NTRK3: variants seen among roughly 807,000 people sequenced by gnomAD.
The protein encoded by NTRK3 is NT-3 growth factor receptor.
In NTRK3, 24 loss-of-function variants were observed where a neutral mutation model predicts 91.7. That is an observed-to-expected ratio of 0.26 (90% CI 0.19 to 0.37). The LOEUF is 0.37. Ranked by LOEUF, NTRK3 falls within the 10% of genes least tolerant of loss-of-function variation. The probability of loss-of-function intolerance (pLI) is 1.00; values close to 1 mark genes in which losing one functional copy is unlikely to be tolerated. For synonymous variants in NTRK3, 483 were observed against 404.0 expected (o/e 1.20, Z -2.34); for missense variants, 880 against 1,068.9 (o/e 0.82, Z 2.46).
intron 3 of NTRK3, among the ~76,000 whole-genome samples, chr15:88,247,377 A>G (rs1410022113): frequency 6.6e-6 from 1 of 152,206 alleles, no homozygotes; most frequent in Non-Finnish European, 1.5e-5. Context: ...GATTGGGCCA[A>G]ATCAATTCAC....
At chr15:88,224,402 C>G (rs2050500561) in intron 3 of NTRK3, among the ~76,000 whole-genome samples, 1 of 152,230 alleles carries the variant, frequency 6.6e-6, no homozygotes, top group South Asian at 2.1e-4. Context: ...AAGTCCCACA[C>G]AGTCTGCATT....
chr15:88,194,610 G>T (rs765132079), intron 3 of NTRK3, among the ~76,000 whole-genome samples: 1 of 152,162 alleles, frequency 6.6e-6, no homozygotes, highest in Non-Finnish European at 1.5e-5. Flanking sequence ...TCCAAAACAT[G>T]ACTACTGTTT....
At chr15:88,065,058 A>G (rs994951256) in intron 13 of NTRK3, among the ~76,000 whole-genome samples, 3 of 152,218 alleles carry the variant, frequency 2.0e-5, no homozygotes, top group Non-Finnish European at 4.4e-5. Flanking sequence ...CTATGTGACG[A>G]TAACTAACCC....
intron 14 of NTRK3, among the ~76,000 whole-genome samples, chr15:88,026,630 G>A (rs146604362): frequency 1.5e-3 from 230 of 152,172 alleles, no homozygotes; most frequent in African/African-American, 4.9e-3. Context: ...CTTAAATTGC[G>A]GCTTTAATTA....
intron 14 of NTRK3, among the ~76,000 whole-genome samples, chr15:87,958,672 G>T (rs559601293): frequency 6.6e-6 from 1 of 151,878 alleles, no homozygotes. Context: ...TCTCAAATCT[G>T]TCCACATCTG....
At chr15:88,090,168 C>T (rs2048886155) in intron 13 of NTRK3, among the ~76,000 whole-genome samples, 1 of 152,186 alleles carries the variant, frequency 6.6e-6, no homozygotes, top group Non-Finnish European at 1.5e-5. Flanking sequence ...CAGCCTGTGC[C>T]CTCTTATCTT....
chr15:87,874,347 C>G, exon 19 of NTRK3: 1 of 231,458 alleles, frequency 4.3e-6, no homozygotes. Context: ...AACATGACCC[C>G]AAGATCAGCG....
chr15:88,060,917 C>G (rs1474248599), intron 13 of NTRK3, among the ~76,000 whole-genome samples: 1 of 151,836 alleles, frequency 6.6e-6, no homozygotes, highest in African/African-American at 2.4e-5. Context: ...ATTTTTGCAC[C>G]TTGATATCAG....
At chr15:87,920,328 T>C (rs963413294) in intron 17 of NTRK3, among the ~76,000 whole-genome samples, 2 of 152,246 alleles carry the variant, frequency 1.3e-5, no homozygotes, top group Non-Finnish European at 2.9e-5. Flanking sequence ...GCATTTAAGT[T>C]GTTTTTCAAA....
chr15:88,198,392 A>T (rs2048014019), intron 3 of NTRK3, among the ~76,000 whole-genome samples: 2 of 152,150 alleles, frequency 1.3e-5, no homozygotes, highest in South Asian at 4.1e-4. Flanking sequence ...ACCTCTGGGT[A>T]CTCAGAATGT....
At chr15:88,171,550 A>G (rs188736908) in intron 5 of NTRK3, among the ~76,000 whole-genome samples, 95 of 152,318 alleles carry the variant, frequency 6.2e-4, no homozygotes, top group African/African-American at 2.1e-3. Flanking sequence ...GTTCTAAAAT[A>G]GCTTCCAAGG....
At chr15:88,230,461 G>A (rs1023120580) in intron 3 of NTRK3, among the ~76,000 whole-genome samples, 16 of 152,150 alleles carry the variant, frequency 1.1e-4, no homozygotes, top group African/African-American at 3.9e-4. Context: ...CTAACAGGCA[G>A]GTAGATCTTG....
rs74027922 is a variant in NTRK3 at position 88,245,917 on chromosome 15, T to C, written c.248+9989A>G. Among the ~76,000 whole-genome samples, 1,363 of 152,300 alleles carry C rather than the reference T, an allele frequency of 8.9e-3. 19 individuals are homozygous for C. The highest frequency in any genetic ancestry group is 0.03 in the African/African-American group (1,263 of 41,554). ...ATCTCTGGCCCAGTAGAAGGGATAA[T>C]GTCAGCTTCTTTCCTTCTCTTCAGT... On this transcript the variant is annotated intron_variant, in intron 3 of 18. Transcript: ENST00000394480.
chr15:87,886,165 A>C (rs2065526380), intron 17 of NTRK3, among the ~76,000 whole-genome samples: 1 of 152,082 alleles, frequency 6.6e-6, no homozygotes, highest in Non-Finnish European at 1.5e-5. Context: ...AATTGTTGCT[A>C]TCTTGTGTTT....
intron 5 of NTRK3, among the ~76,000 whole-genome samples, chr15:88,154,620 C>G (rs1414284898): frequency 6.6e-6 from 1 of 152,154 alleles, no homozygotes; most frequent in African/African-American, 2.4e-5. Context: ...TTTCTCTAAT[C>G]AAATCTCAAC....
chr15:87,975,421 C>T (rs1159863084), intron 14 of NTRK3, among the ~76,000 whole-genome samples: 2 of 152,150 alleles, frequency 1.3e-5, no homozygotes, highest in Non-Finnish European at 2.9e-5. Context: ...ATCTGTGCAG[C>T]AAAATCCCGC....
chr15:88,223,117 C>T (rs553565230), intron 3 of NTRK3, among the ~76,000 whole-genome samples: 9 of 152,126 alleles, frequency 5.9e-5, no homozygotes, highest in South Asian at 2.1e-4. Flanking sequence ...GCTCGGGAGG[C>T]GGGTGGGATT....
At chr15:88,227,485 G>A (rs531403755) in intron 3 of NTRK3, among the ~76,000 whole-genome samples, 1 of 152,264 alleles carries the variant, frequency 6.6e-6, no homozygotes, top group South Asian at 2.1e-4. Flanking sequence ...ATGTGGGCAG[G>A]TGAAAAGAGA....
chr15:87,902,629 T>C (rs1043588114), intron 17 of NTRK3, among the ~76,000 whole-genome samples: 2 of 129,446 alleles, frequency 1.5e-5, no homozygotes, highest in African/African-American at 5.1e-5. Context: ...AAGCCAACAC[T>C]AGAAATAATT....
Sources: gnomAD v4.1 joint callset for allele counts (sites outside exome capture counted in the v4.1 genomes callset) on GRCh38, gnomAD v4.1.1 for gene constraint, MANE v1.5 for transcripts, NCBI Gene and HGNC (gene_info 2026-07-23, HGNC 2026-07-21) for gene names.